The following SGCZ variants were observed in gnomAD, a reference collection of about 807,000 sequenced individuals.
SGCZ encodes the protein zeta-sarcoglycan.
SGCZ carries 40 observed loss-of-function variants against 41.3 expected under a neutral mutation model. The observed-to-expected ratio is 0.97, with a 90% CI of 0.75 to 1.26. The LOEUF is 1.26. SGCZ is among the 50% of genes most tolerant of loss of function. The pLI is 0.00. For synonymous variants in SGCZ, 206 were observed against 137.5 expected (o/e 1.50, Z -3.49); for missense variants, 552 against 369.8 (o/e 1.49, Z -4.04).
chr8:14,890,765 C>A (rs1268585768), intron 1 of SGCZ, among the ~76,000 whole-genome samples: 2 of 152,170 alleles, frequency 1.3e-5, no homozygotes, highest in South Asian at 2.1e-4. Context: ...AGAGGAGAGT[C>A]AATGCTTGGC....
chr8:14,688,565 G>C (rs1808694050), intron 1 of SGCZ, among the ~76,000 whole-genome samples: 1 of 152,044 alleles, frequency 6.6e-6, no homozygotes, highest in Non-Finnish European at 1.5e-5. Flanking sequence ...TCTCTGTTTT[G>C]GTACCAGTAC....
intron 1 of SGCZ, among the ~76,000 whole-genome samples, chr8:14,947,143 A>G (rs1800478654): frequency 2.0e-5 from 3 of 152,186 alleles, no homozygotes; most frequent in Admixed American, 2.0e-4. Flanking sequence ...ACTCTCATCT[A>G]TCATACAAGT....
intron 1 of SGCZ, among the ~76,000 whole-genome samples, chr8:14,782,542 C>T (rs2253225): frequency 0.46 from 70,211 of 151,994 alleles, 18,134 homozygotes; most frequent in East Asian, 0.57. Context: ...TTTGCAGATA[C>T]AAACGAATTA....
chr8:14,983,188 T>G (rs1801725459), intron 1 of SGCZ, among the ~76,000 whole-genome samples: 1 of 36,256 alleles, frequency 2.8e-5, no homozygotes, highest in African/African-American at 6.8e-5. Flanking sequence ...TTTTTTTCTT[T>G]TTTCTTTTTT....
chr8:14,723,425 C>G (rs1255144892), intron 1 of SGCZ, among the ~76,000 whole-genome samples: 1 of 152,098 alleles, frequency 6.6e-6, no homozygotes, highest in African/African-American at 2.4e-5. Context: ...ACATGTCCCA[C>G]AGATATTTGA....
intron 1 of SGCZ, among the ~76,000 whole-genome samples, chr8:15,085,416 G>T (rs539863743): frequency 6.6e-6 from 1 of 152,052 alleles, no homozygotes; most frequent in Non-Finnish European, 1.5e-5. Flanking sequence ...GTACACGATG[G>T]GTCCATTCAT....
chr8:14,721,991 T>A (rs1225315848), intron 1 of SGCZ, among the ~76,000 whole-genome samples: 1 of 152,170 alleles, frequency 6.6e-6, no homozygotes, highest in Non-Finnish European at 1.5e-5. Flanking sequence ...CTCAGGTGTT[T>A]CTATGATTCT....
chr8:14,558,198 G>C (rs2117199559), intron 1 of SGCZ, among the ~76,000 whole-genome samples: 1 of 152,136 alleles, frequency 6.6e-6, no homozygotes, highest in East Asian at 1.9e-4. Flanking sequence ...AAAGAGTCCA[G>C]GACCAGTTGG....
intron 5 of SGCZ, among the ~76,000 whole-genome samples, chr8:14,143,764 C>G (rs1803441920): frequency 6.6e-6 from 1 of 152,072 alleles, no homozygotes. Context: ...CAATGCCACC[C>G]TTCCCCTCTA....
intron 1 of SGCZ, among the ~76,000 whole-genome samples, chr8:14,800,006 G>A (rs1048599693): frequency 1.3e-5 from 2 of 152,176 alleles, no homozygotes; most frequent in African/African-American, 4.8e-5. Context: ...AAGAAAAAAT[G>A]TAGATAATTG....
chr8:14,147,086 A>G (rs949028975), intron 5 of SGCZ, among the ~76,000 whole-genome samples: 1 of 151,940 alleles, frequency 6.6e-6, no homozygotes, highest in Non-Finnish European at 1.5e-5. Context: ...TGCAAGCCTC[A>G]TGGTAATCTC....
At chr8:15,011,195 TA>T (rs1802814683) in intron 1 of SGCZ, among the ~76,000 whole-genome samples, 2 of 152,194 alleles carry the variant, frequency 1.3e-5, no homozygotes, top group African/African-American at 4.8e-5. Context: ...CCTACATAGT[TA>T]AAGTAGGTGA....
chr8:14,932,980 AT>A (rs1418580777), intron 1 of SGCZ, among the ~76,000 whole-genome samples: 1 of 152,026 alleles, frequency 6.6e-6, no homozygotes, highest in African/African-American at 2.4e-5. Flanking sequence ...GTTCTTGCTT[AT>A]AAGTAGGACC....
At chr8:14,098,239 C>G (rs982638584) in intron 7 of SGCZ, among the ~76,000 whole-genome samples, 1 of 152,042 alleles carries the variant, frequency 6.6e-6, no homozygotes, top group African/African-American at 2.4e-5. Context: ...ATATATTACC[C>G]CATAGTTACT....
At chr8:14,671,067 T>C (rs1003400144) in intron 1 of SGCZ, among the ~76,000 whole-genome samples, 2 of 152,228 alleles carry the variant, frequency 1.3e-5, no homozygotes, top group African/African-American at 4.8e-5. Context: ...TGCGCATTCA[T>C]TTTCCTCTTC....
intron 1 of SGCZ, among the ~76,000 whole-genome samples, chr8:14,973,333 T>C (rs1235185053): frequency 6.6e-6 from 1 of 152,146 alleles, no homozygotes; most frequent in Admixed American, 6.5e-5. Flanking sequence ...AATTGTAAAA[T>C]GACTAGAGAA....
chr8:15,175,227 C>A (rs888803580), intron 1 of SGCZ, among the ~76,000 whole-genome samples: 2 of 152,120 alleles, frequency 1.3e-5, no homozygotes, highest in Non-Finnish European at 2.9e-5. Context: ...AAGACACATG[C>A]ATGCTTGTGT....
At chr8:14,759,188 A>C (rs967319467) in intron 1 of SGCZ, among the ~76,000 whole-genome samples, 14 of 152,100 alleles carry the variant, frequency 9.2e-5, no homozygotes, top group African/African-American at 3.1e-4. Context: ...ATTTACATCT[A>C]TGCATGTATA....
intron 2 of SGCZ, among the ~76,000 whole-genome samples, chr8:14,480,846 C>T (rs934641776): frequency 7.2e-5 from 11 of 151,970 alleles, no homozygotes; most frequent in Admixed American, 2.0e-4. Context: ...AACAAACTCC[C>T]ATGATACAAG....
Sources: allele counts gnomAD v4.1 joint callset (sites outside exome capture counted in the v4.1 genomes callset), GRCh38; gene constraint gnomAD v4.1.1; transcripts MANE v1.5; gene names NCBI Gene and HGNC (gene_info 2026-07-23, HGNC 2026-07-21).